SMYD3: variants seen among roughly 807,000 people sequenced by gnomAD.
The protein encoded by SMYD3 is SET and MYND domain containing 3.
A neutral mutation model predicts 57.7 loss-of-function variants in SMYD3; 36 were observed. The observed-to-expected ratio is 0.62, with a 90% confidence interval of 0.48 to 0.82. The LOEUF (loss-of-function observed/expected upper bound fraction) is 0.82, where lower values mean the gene tolerates loss of function less well. Ranked by LOEUF, SMYD3 falls within the 40% of genes least tolerant of loss-of-function variation. The probability of loss-of-function intolerance (pLI) is 0.00; values close to 1 mark genes in which losing one functional copy is unlikely to be tolerated. For missense variants in SMYD3, 515 were observed against 538.8 expected, an observed-to-expected ratio of 0.96 and a Z score of 0.44; for synonymous variants, 211 against 195.0, an observed-to-expected ratio of 1.08 and a Z score of -0.68.
intron 10 of SMYD3, among the ~76,000 whole-genome samples, chr1:245,840,551 T>C: frequency 6.6e-6 from 1 of 151,870 alleles, no homozygotes; most frequent in East Asian, 1.9e-4. Flanking sequence ...GTGTCACAGG[T>C]TGCCAATAAA....
chr1:245,765,175 T>C (rs537534856), intron 10 of SMYD3, among the ~76,000 whole-genome samples: 1 of 151,004 alleles, frequency 6.6e-6, no homozygotes, highest in East Asian at 2.0e-4. Flanking sequence ...TGCTTGAGCT[T>C]AGGAGTTTGA....
chr1:246,060,781 C>T (rs922784379), intron 5 of SMYD3, among the ~76,000 whole-genome samples: 3 of 152,152 alleles, frequency 2.0e-5, no homozygotes, highest in Admixed American at 6.5e-5. Flanking sequence ...CTTTTCTAAG[C>T]CAGCCCATCA....
intron 5 of SMYD3, among the ~76,000 whole-genome samples, chr1:245,938,230 G>A (rs2057062438): frequency 6.6e-6 from 1 of 152,218 alleles, no homozygotes; most frequent in South Asian, 2.1e-4. Context: ...TAGCTGAAGT[G>A]TGCATGACTC....
intron 1 of SMYD3, among the ~76,000 whole-genome samples, chr1:246,420,217 T>C (rs903627565): frequency 6.7e-6 from 1 of 149,676 alleles, no homozygotes; most frequent in African/African-American, 2.5e-5. Context: ...AAAAAGTCTG[T>C]CATGACTTGA....
intron 5 of SMYD3, among the ~76,000 whole-genome samples, chr1:245,945,623 C>A (rs1387403512): frequency 6.6e-6 from 1 of 152,154 alleles, no homozygotes; most frequent in Non-Finnish European, 1.5e-5. Context: ...TGGTTATATA[C>A]CCAAAGAAAT....
intron 1 of SMYD3, among the ~76,000 whole-genome samples, chr1:246,421,306 A>T (rs2067139463): frequency 6.7e-6 from 1 of 150,204 alleles, no homozygotes; most frequent in East Asian, 1.9e-4. Flanking sequence ...AGATCCTTTT[A>T]AAAAAAAAAT....
intron 5 of SMYD3, among the ~76,000 whole-genome samples, chr1:246,079,567 C>T (rs1280446528): frequency 6.6e-6 from 1 of 152,136 alleles, no homozygotes; most frequent in Non-Finnish European, 1.5e-5. Context: ...AGTTCACACT[C>T]ATGGGAAACA....
intron 5 of SMYD3, among the ~76,000 whole-genome samples, chr1:245,957,992 T>G: frequency 6.6e-6 from 1 of 151,986 alleles, no homozygotes; most frequent in East Asian, 1.9e-4. Flanking sequence ...GTAGGGACGC[T>G]GAATGTAATT....
chr1:246,313,801 G>C (rs1242397293), intron 5 of SMYD3, among the ~76,000 whole-genome samples: 2 of 152,140 alleles, frequency 1.3e-5, no homozygotes, highest in African/African-American at 4.8e-5. Context: ...CTTATACACT[G>C]CATATATAGT....
At chr1:245,928,125 G>C (rs1037231159) in intron 6 of SMYD3, 92 bp from the exon 7 acceptor site, 1 of 952,122 alleles carries the variant, frequency 1.1e-6, no homozygotes, top group African/African-American at 1.6e-5. Context: ...ACCTTCCTTT[G>C]GGGGGCAGCA....
chr1:245,831,917 T>C (rs759998460), intron 10 of SMYD3, among the ~76,000 whole-genome samples: 2 of 152,196 alleles, frequency 1.3e-5, no homozygotes, highest in Non-Finnish European at 2.9e-5. Context: ...TGCCGGACAT[T>C]GCCTAAATCA....
At chr1:246,325,864 T>C (rs1160324474) in intron 5 of SMYD3, 4 of 152,514 alleles carry the variant, frequency 2.6e-5, no homozygotes, top group African/African-American at 4.8e-5. Context: ...GTGTTTATAG[T>C]GTTGAACATG....
At position 246,078,457 on chromosome 1, in the gene SMYD3, C is replaced by T. The variant is rs145011814; in HGVS notation, c.532-148520G>A. On this transcript the variant is annotated intron_variant, in intron 5 of 11. Coordinates refer to ENST00000490107, the MANE Select transcript of SMYD3 (RefSeq NM_001167740.2). ...TATGAAAAAGTAACTTTGAAATGAC[C>T]GGCCTTCTTGTTCCACTTCTGCTTC... Among the ~76,000 whole-genome samples, 56 of 152,274 alleles carry T rather than the reference C, an allele frequency of 3.7e-4. 2 individuals are homozygous for T. The East Asian group carries it at 0.01, about 28-fold the overall frequency.
At chr1:246,368,966 AAGAT>A (rs1298377273) in intron 1 of SMYD3, among the ~76,000 whole-genome samples, 3 of 152,178 alleles carry the variant, frequency 2.0e-5, no homozygotes, top group East Asian at 1.9e-4. Context: ...TACAGATAGA[AAGAT>A]AGATAGATAT....
intron 5 of SMYD3, among the ~76,000 whole-genome samples, chr1:246,273,872 C>T (rs1165002635): frequency 6.6e-6 from 1 of 152,104 alleles, no homozygotes; most frequent in African/African-American, 2.4e-5. Flanking sequence ...CCACTGCGCC[C>T]GGCCACTAAT....
At chr1:246,408,792 C>T (rs1357932621) in intron 1 of SMYD3, among the ~76,000 whole-genome samples, 1 of 151,402 alleles carries the variant, frequency 6.6e-6, no homozygotes, top group Non-Finnish European at 1.5e-5. Flanking sequence ...GTCTCAGCCT[C>T]CTGAGTAGCT....
At chr1:245,750,111 T>C (rs1016418505) in intron 11 of SMYD3, among the ~76,000 whole-genome samples, 7 of 152,206 alleles carry the variant, frequency 4.6e-5, no homozygotes, top group Admixed American at 1.3e-4. Context: ...CATATCATAT[T>C]ATAGCACTGG....
At chr1:246,210,263 G>A (rs961621005) in intron 5 of SMYD3, among the ~76,000 whole-genome samples, 2 of 152,120 alleles carry the variant, frequency 1.3e-5, no homozygotes, top group Admixed American at 6.5e-5. Flanking sequence ...TGCAGCAATG[G>A]TGCCTACCAT....
At chr1:246,172,358 A>G (rs894874098) in intron 5 of SMYD3, among the ~76,000 whole-genome samples, 11 of 149,604 alleles carry the variant, frequency 7.4e-5, no homozygotes, top group African/African-American at 2.7e-4. Flanking sequence ...AGACTTTATC[A>G]ACACTGCACA....
Sources: allele counts gnomAD v4.1 joint callset (sites outside exome capture counted in the v4.1 genomes callset), GRCh38; gene constraint gnomAD v4.1.1; transcripts MANE v1.5; gene names NCBI Gene and HGNC (gene_info 2026-07-23, HGNC 2026-07-21).